The following COL18A1 variants were observed in gnomAD, a reference collection of about 807,000 sequenced individuals.
COL18A1 encodes collagen alpha-1(XVIII) chain.
A neutral mutation model predicts 168.0 loss-of-function variants in COL18A1; 133 were observed. The observed-to-expected ratio is 0.79, with a 90% confidence interval of 0.69 to 0.91. The LOEUF is 0.91. COL18A1 is among the 40% of genes least tolerant of loss of function. COL18A1 has a pLI of 0.00. For synonymous variants in COL18A1, 949 were observed against 809.0 expected (o/e 1.17, Z -2.94); for missense variants, 2,126 against 1,925.4 (o/e 1.10, Z -1.95).
In COL18A1 at chr21:45,480,701, G is replaced by A; in HGVS notation, c.1454G>A (p.Gly485Asp). 2 of 1,610,846 alleles carry A rather than the reference G, an allele frequency of 1.2e-6. No individual in the cohort carries two copies. Among genetic ancestry groups the A allele is most frequent in the Non-Finnish European group, 1.7e-6 (2 of 1,179,948 alleles). Residue 485 changes from glycine (G) to aspartate (D), a missense_variant and splice_region_variant, in exon 13 of 42, where the codon GGT becomes GAT. Transcript: ENST00000651438. ...CTATCTGTGTTCGCCCACGTCCAGG[G>A]TCCTCGAGGCTTCCCTGGACCTCCC... ...GFGGDLEALR[G>D]PRGFPGPPGP...
intron 2 of COL18A1, among the ~76,000 whole-genome samples, chr21:45,437,232 AG>A: frequency 8.6e-6 from 1 of 116,914 alleles, no homozygotes; most frequent in South Asian, 2.9e-4. Flanking sequence ...ACAGACACAC[AG>A]GCACTCTCCT....
intron 2 of COL18A1, among the ~76,000 whole-genome samples, chr21:45,466,409 G>A (rs527590559): frequency 1.3e-5 from 2 of 152,328 alleles, no homozygotes; most frequent in African/African-American, 4.8e-5. Flanking sequence ...TTGATCCAAA[G>A]GGAGGTGGTC....
chr21:45,509,975 C>T, intron 39 of COL18A1, 89 bp from the exon 40 acceptor site: 2 of 1,444,758 alleles, frequency 1.4e-6, no homozygotes, highest in South Asian at 1.3e-5. Flanking sequence ...TGCCTGTCCA[C>T]ACAGGTGCGG....
intron 2 of COL18A1, among the ~76,000 whole-genome samples, chr21:45,416,410 G>A (rs1036663131): frequency 1.3e-5 from 2 of 151,294 alleles, no homozygotes; most frequent in Admixed American, 1.3e-4. Context: ...TGAACTGGGG[G>A]TGGTGTGGGG....
chr21:45,493,107 TC>T, intron 24 of COL18A1, 55 bp from the exon 25 acceptor site: 1 of 1,502,344 alleles, frequency 6.7e-7, no homozygotes, highest in Non-Finnish European at 9.0e-7. Context: ...GGAGCAGCCG[TC>T]GGGGATGGGG....
rs141577993 is a variant in COL18A1 at position 45,412,640 on chromosome 21, C to T, written c.106+7167C>T. On this transcript the variant is annotated intron_variant, in intron 2 of 41. Coordinates refer to ENST00000651438, the MANE Select transcript of COL18A1 (RefSeq NM_001379500.1). The stretch of plus-strand genomic sequence containing the variant: ...GTGGCCAGCAGAGCTCAGGGGCCTG[C>T]GGCCCAGGCACACAGACAATGGAGC... Among the ~76,000 whole-genome samples the T allele has an allele frequency of 5.9e-3, 894 of 152,326 alleles. 3 individuals are homozygous for T. Among genetic ancestry groups the T allele is most frequent in the Non-Finnish European group, 8.8e-3 (599 of 68,020 alleles).
intron 4 of COL18A1, among the ~76,000 whole-genome samples, chr21:45,474,479 C>G (rs962507790): frequency 3.5e-5 from 5 of 142,900 alleles, no homozygotes; most frequent in East Asian, 2.1e-4. Flanking sequence ...TGGTGTGTCT[C>G]TGTGTGTGTG....
intron 2 of COL18A1, among the ~76,000 whole-genome samples, chr21:45,450,740 TC>T (rs1304969819): frequency 3.3e-5 from 5 of 152,072 alleles, no homozygotes; most frequent in Non-Finnish European, 5.9e-5. Context: ...GTGGGTGGTC[TC>T]CCTCGTCCTC....
intron 2 of COL18A1, among the ~76,000 whole-genome samples, chr21:45,419,091 A>G (rs1280342268): frequency 6.6e-6 from 1 of 152,212 alleles, no homozygotes; most frequent in East Asian, 1.9e-4. Flanking sequence ...AGTGCTGAGC[A>G]GAAGTTGGCC....
intron 31 of COL18A1, 32 bp downstream of exon 31, chr21:45,497,124 A>G (rs1452603267): frequency 2.9e-6 from 4 of 1,393,632 alleles, no homozygotes; most frequent in Non-Finnish European, 3.0e-6. Context: ...CTGGGGACAC[A>G]GGCTCTGAAG....
Position 45,468,279 on chromosome 21 carries a change from T to C in COL18A1, c.144T>C (p.Leu48=). 1 of 1,613,156 alleles carries C rather than the reference T, an allele frequency of 6.2e-7. No individual in the cohort carries two copies. Among genetic ancestry groups the C allele is most frequent in the Non-Finnish European group, 8.5e-7 (1 of 1,180,024 alleles). Residue 48 remains leucine (L), a synonymous_variant, in exon 3 of 42, where the codon CTT becomes CTC. Coordinates refer to ENST00000651438, the MANE Select transcript of COL18A1 (RefSeq NM_001379500.1). ...AGGAGGTGGGGCTGCTGCAGCTCCTTGGGGACCCCCCGCCCCAGCAGGTCA... is the reference window on the plus strand; with the variant it reads ...AGGAGGTGGGGCTGCTGCAGCTCCTCGGGGACCCCCCGCCCCAGCAGGTCA... ...ISEEVGLLQL[L]GDPPPQQVTQ...
rs184604416 is a variant in COL18A1, at chr21:45,478,474, C to T, written c.1248+121C>T. ...CAGTGAGGAGACTGTACAGCAAAAC[C>T]ATTTTGAAAGTGGAATTTTGTAAAG... is the stretch of plus-strand genomic sequence containing the variant. On this transcript the variant is annotated intron_variant, in intron 9 of 41. Transcript: ENST00000651438. 258 of 1,335,072 alleles carry T rather than the reference C, an allele frequency of 1.9e-4. No individual in the cohort carries two copies. In the African/African-American group the frequency reaches 3.3e-3, roughly 17 times the overall value. The allele number at this position is 1,335,072 out of a possible 1,614,324, so 82.7% of individuals were successfully genotyped here.
intron 22 of COL18A1, 123 bp from the exon 23 acceptor site, chr21:45,492,412 T>C: frequency 1.6e-6 from 2 of 1,259,142 alleles, no homozygotes; most frequent in Non-Finnish European, 2.3e-6. Flanking sequence ...CCAGGAAGAC[T>C]GGAAAGCAAC....
intron 2 of COL18A1, among the ~76,000 whole-genome samples, chr21:45,445,463 C>T (rs186927432): frequency 1.6e-4 from 24 of 152,170 alleles, no homozygotes; most frequent in Non-Finnish European, 2.1e-4. Context: ...TCGTTTCTCT[C>T]GGGTATATAC....
In COL18A1 at chr21:45,492,690, C is replaced by T. The variant is rs766990620; in HGVS notation, c.2191C>T (p.Arg731Trp). Residue 731 changes from arginine to tryptophan, a missense_variant, in exon 24 of 42, where the codon CGG (arginine) becomes TGG (tryptophan). Arg to Trp is a moderately radical substitution (Grantham distance 101). Coordinates refer to ENST00000651438, the MANE Select transcript of COL18A1 (RefSeq NM_001379500.1). The part of the protein sequence containing the change: ...SVLSVPGPEG[R>W]PGFAGFPGPA... ...GACGCCGTCCCTCTTTCCCCAGGGC[C>T]GGCCGGGTTTCGCAGGCTTTCCCGT... 6.8e-6 allele frequency: 11 copies of T among 1,610,746 alleles called. No homozygotes were observed. In the African/African-American group the frequency reaches 8.0e-5, roughly 12 times the overall value.
At chr21:45,476,221 C>T in intron 5 of COL18A1, 130 bp from the exon 6 acceptor site, 1 of 1,372,076 alleles carries the variant, frequency 7.3e-7, no homozygotes, top group Non-Finnish European at 9.9e-7. Context: ...GGCCCTGGAG[C>T]ACCCTCCTGT....
chr21:45,437,486 T>A (rs983946485), intron 2 of COL18A1, among the ~76,000 whole-genome samples: 72 of 11,318 alleles, frequency 6.4e-3, no homozygotes, highest in Middle Eastern at 0.05. Context: ...CTGCACACAC[T>A]CACACTCACA....
chr21:45,487,037 C>G (rs758960066), intron 16 of COL18A1, 45 bp downstream of exon 16: 1 of 1,472,936 alleles, frequency 6.8e-7, no homozygotes, highest in Non-Finnish European at 8.9e-7. Flanking sequence ...CGGGGGCTGC[C>G]GTTGCCCCAG....
chr21:45,484,667 CACACAT>C (rs2036046110), intron 15 of COL18A1, among the ~76,000 whole-genome samples: 1 of 95,226 alleles, frequency 1.1e-5, no homozygotes, highest in African/African-American at 3.5e-5. Context: ...TGCACATACA[CACACAT>C]GTATCTAGGT....
Sources: allele counts gnomAD v4.1 joint callset (sites outside exome capture counted in the v4.1 genomes callset), GRCh38; gene constraint gnomAD v4.1.1; transcripts MANE v1.5; gene names NCBI Gene and HGNC (gene_info 2026-07-23, HGNC 2026-07-21).